Variants in DLG2 observed in about 807,000 individuals in gnomAD.
DLG2 encodes disks large homolog 2.
DLG2 carries 45 observed loss-of-function variants against 132.5 expected under a neutral mutation model. That is an observed-to-expected ratio of 0.34 (90% CI 0.27 to 0.44). DLG2 has a LOEUF of 0.44. DLG2 is among the 20% of genes least tolerant of loss of function. The pLI is 1.00. For synonymous variants in DLG2, 424 were observed against 419.6 expected, an observed-to-expected ratio of 1.01 and a Z score of -0.13; for missense variants, 1,045 against 1,196.9, an observed-to-expected ratio of 0.87 and a Z score of 1.87.
intron 7 of DLG2, among the ~76,000 whole-genome samples, chr11:84,308,764 G>A (rs1007369292): frequency 7.9e-5 from 12 of 152,176 alleles, no homozygotes; most frequent in African/African-American, 1.4e-4. Context: ...TACACCCTCC[G>A]CAGCCACTGG....
intron 8 of DLG2, among the ~76,000 whole-genome samples, chr11:84,201,379 C>A (rs1211415919): frequency 1.3e-5 from 2 of 152,206 alleles, no homozygotes; most frequent in Non-Finnish European, 2.9e-5. Context: ...CATCAATGTT[C>A]ATCAAGCATC....
intron 6 of DLG2, among the ~76,000 whole-genome samples, chr11:84,599,952 A>G (rs1266795072): frequency 6.6e-6 from 1 of 151,068 alleles, no homozygotes; most frequent in Non-Finnish European, 1.5e-5. Flanking sequence ...AGATCACCTG[A>G]GCCCTGCGAG....
chr11:83,717,972 T>C (rs922896130), intron 18 of DLG2, among the ~76,000 whole-genome samples: 1 of 152,192 alleles, frequency 6.6e-6, no homozygotes, highest in East Asian at 1.9e-4. Flanking sequence ...AAAGGAACAA[T>C]CCCTGTTCTG....
At chr11:84,815,918 G>A (rs2077039366) in intron 6 of DLG2, among the ~76,000 whole-genome samples, 1 of 151,940 alleles carries the variant, frequency 6.6e-6, no homozygotes, top group South Asian at 2.1e-4. Context: ...CATGTATCAG[G>A]CTCCAATGTA....
intron 19 of DLG2, among the ~76,000 whole-genome samples, chr11:83,579,263 G>A (rs2096930285): frequency 6.6e-6 from 1 of 152,206 alleles, no homozygotes; most frequent in African/African-American, 2.4e-5. Context: ...TTAATTTCAA[G>A]TATGAAAATA....
intron 2 of DLG2, among the ~76,000 whole-genome samples, chr11:85,620,369 A>G (rs2081614016): frequency 6.6e-6 from 1 of 152,196 alleles, no homozygotes; most frequent in Non-Finnish European, 1.5e-5. Context: ...AGGCCAATTA[A>G]TAACTCTACC....
chr11:84,456,795 A>T (rs1284000289), intron 7 of DLG2, among the ~76,000 whole-genome samples: 1 of 151,202 alleles, frequency 6.6e-6, no homozygotes, highest in African/African-American at 2.4e-5. Flanking sequence ...AAGTTCTGTG[A>T]AGGGAGAAAT....
At chr11:84,487,426 C>T (rs1426361042) in intron 7 of DLG2, among the ~76,000 whole-genome samples, 2 of 151,922 alleles carry the variant, frequency 1.3e-5, no homozygotes, top group East Asian at 1.9e-4. Context: ...AATAGAGTAA[C>T]AGAAAAATCT....
At chr11:84,714,595 TTC>T (rs1351118874) in intron 6 of DLG2, among the ~76,000 whole-genome samples, 1 of 103,894 alleles carries the variant, frequency 9.6e-6, no homozygotes, top group Non-Finnish European at 1.9e-5. Context: ...CTCTTTCTCT[TTC>T]TTTCTCTTTC....
chr11:84,575,064 C>T (rs1245178848), intron 6 of DLG2, among the ~76,000 whole-genome samples: 3 of 152,150 alleles, frequency 2.0e-5, no homozygotes, highest in African/African-American at 4.8e-5. Context: ...TGATTGGCTG[C>T]CGTGCTCTAA....
At chr11:85,277,232 T>A (rs572031444) in intron 4 of DLG2, among the ~76,000 whole-genome samples, 63 of 152,248 alleles carry the variant, frequency 4.1e-4, no homozygotes, top group African/African-American at 1.5e-3. Context: ...AAGAGGAAAA[T>A]CCTGACTATG....
intron 6 of DLG2, among the ~76,000 whole-genome samples, chr11:85,079,636 C>T (rs532854368): frequency 2.6e-5 from 4 of 152,046 alleles, no homozygotes; most frequent in Admixed American, 6.6e-5. Flanking sequence ...TTGGTGGGAC[C>T]GCTATGGCCA....
intron 2 of DLG2, among the ~76,000 whole-genome samples, chr11:85,620,990 G>A (rs539456306): frequency 1.5e-4 from 23 of 152,302 alleles, no homozygotes; most frequent in African/African-American, 5.5e-4. Context: ...AAGTTTCAAA[G>A]GACAGGCTGA....
intron 11 of DLG2, among the ~76,000 whole-genome samples, chr11:83,994,105 ATC>A (rs2093883525): frequency 6.6e-6 from 1 of 152,124 alleles, no homozygotes; most frequent in African/African-American, 2.4e-5. Context: ...CTAACGGTTT[ATC>A]TGTCTTTATC....
intron 17 of DLG2, among the ~76,000 whole-genome samples, chr11:83,829,155 T>A (rs2053752293): frequency 1.3e-5 from 2 of 151,976 alleles, no homozygotes; most frequent in Admixed American, 1.3e-4. Context: ...ATTTGCAAAT[T>A]AATCTTACAT....
At position 85,541,067 on chromosome 11, in the gene DLG2, C is replaced by A. The variant is rs1018256999; in HGVS notation, c.40+57590G>T. 5.9e-5 allele frequency among the ~76,000 whole-genome samples: 9 copies of A among 152,286 alleles called. No homozygotes were observed. The East Asian group carries it at 1.2e-3, about 20-fold the overall frequency. On this transcript the variant is annotated intron_variant, in intron 3 of 27. Coordinates refer to ENST00000376104, the MANE Select transcript of DLG2 (RefSeq NM_001142699.3). ...CATGCAAATCTGACTCAAATAAATT[C>A]TTTAGTATTTAAGCTCTGCCTCAGT...
At chr11:83,868,156 A>C (rs965234524) in intron 16 of DLG2, among the ~76,000 whole-genome samples, 2 of 152,128 alleles carry the variant, frequency 1.3e-5, no homozygotes, top group Admixed American at 1.3e-4. Context: ...TCGTTTTTAA[A>C]CTCTGAAGAT....
chr11:84,270,929 T>C (rs950333695), intron 7 of DLG2, among the ~76,000 whole-genome samples: 1 of 152,240 alleles, frequency 6.6e-6, no homozygotes, highest in Non-Finnish European at 1.5e-5. Context: ...AGGATATGTA[T>C]ACTTCAGGAT....
intron 11 of DLG2, among the ~76,000 whole-genome samples, chr11:84,057,789 A>G (rs765912810): frequency 3.3e-5 from 5 of 152,188 alleles, no homozygotes; most frequent in Non-Finnish European, 5.9e-5. Context: ...AGGAGCAAGT[A>G]CTATTCTTAT....
Sources: gnomAD v4.1 joint callset for allele counts (sites outside exome capture counted in the v4.1 genomes callset) on GRCh38, gnomAD v4.1.1 for gene constraint, MANE v1.5 for transcripts, NCBI Gene and HGNC (gene_info 2026-07-23, HGNC 2026-07-21) for gene names.